MTX2: variants seen among roughly 807,000 people sequenced by gnomAD.
MTX2 encodes the protein metaxin-2.
Under a neutral mutation model 42.3 loss-of-function variants are expected in MTX2, and 35 were observed. That is an observed-to-expected ratio of 0.83 (90% CI 0.63 to 1.10). The LOEUF is 1.10. Ranked by LOEUF, MTX2 falls within the 50% of genes least tolerant of loss-of-function variation. MTX2 has a pLI of 0.00. For synonymous variants in MTX2, 119 were observed against 100.9 expected (o/e 1.18, Z -1.08); for missense variants, 307 against 304.1 (o/e 1.01, Z -0.07).
chr2:176,282,903 C>T lies in MTX2; in HGVS notation c.40+13234C>T, dbSNP rs138444262. Among the ~76,000 whole-genome samples the T allele has an allele frequency of 2.6e-3, 398 of 152,170 alleles. 8 individuals carry two copies. The East Asian group carries it at 0.05, about 19-fold the overall frequency. Reference sequence around the variant, plus strand: ...ATTTTTGATAGAGACAGGGTTTCACCATGTTGGTCAGGCTGGTCTCGAACT... The same window carrying T: ...ATTTTTGATAGAGACAGGGTTTCACTATGTTGGTCAGGCTGGTCTCGAACT... On this transcript the variant is annotated intron_variant, in intron 1 of 9. Coordinates refer to ENST00000249442, the MANE Select transcript of MTX2 (RefSeq NM_006554.5).
chr2:176,280,950 C>G (rs892810756), intron 1 of MTX2, among the ~76,000 whole-genome samples: 1 of 152,168 alleles, frequency 6.6e-6, no homozygotes, highest in Non-Finnish European at 1.5e-5. Context: ...TTGGGCAGAG[C>G]ATTTGGCAGC....
intron 3 of MTX2, among the ~76,000 whole-genome samples, chr2:176,311,631 G>A (rs2105428350): frequency 6.6e-6 from 1 of 152,340 alleles, no homozygotes; most frequent in South Asian, 2.1e-4. Flanking sequence ...CCTCCAGCCA[G>A]GGGGCTGTCT....
At chr2:176,287,027 T>C (rs1693220764) in intron 1 of MTX2, among the ~76,000 whole-genome samples, 1 of 152,196 alleles carries the variant, frequency 6.6e-6, no homozygotes, top group South Asian at 2.1e-4. Context: ...TTTTGTGTAA[T>C]GTGTAGCCCA....
At chr2:176,335,150 C>CT in intron 9 of MTX2, among the ~76,000 whole-genome samples, 1 of 152,152 alleles carries the variant, frequency 6.6e-6, no homozygotes, top group East Asian at 1.9e-4. Flanking sequence ...TCTGAGGAGA[C>CT]TTTAAGATGT....
chr2:176,278,301 T>C (rs1441405302), intron 1 of MTX2, among the ~76,000 whole-genome samples: 1 of 151,902 alleles, frequency 6.6e-6, no homozygotes, highest in Non-Finnish European at 1.5e-5. Flanking sequence ...TCTGCCCGCC[T>C]CAGCCTCCCA....
intron 1 of MTX2, among the ~76,000 whole-genome samples, chr2:176,290,782 T>G (rs1693311038): frequency 6.6e-6 from 1 of 151,514 alleles, no homozygotes; most frequent in Admixed American, 6.6e-5. Context: ...ATGTCATGCT[T>G]TACATGTAAT....
intron 2 of MTX2, 69 bp downstream of exon 2, chr2:176,296,976 A>G: frequency 6.9e-7 from 1 of 1,443,954 alleles, no homozygotes; most frequent in Non-Finnish European, 9.7e-7. Context: ...ATCCTCAGTA[A>G]TACAATTTAC....
chr2:176,306,742 A>G (rs1157122288), intron 3 of MTX2, among the ~76,000 whole-genome samples: 2 of 151,488 alleles, frequency 1.3e-5, no homozygotes, highest in Admixed American at 6.6e-5. Context: ...TCCTTTGCTC[A>G]CTTTTTGATG....
Position 176,269,588 on chromosome 2 carries a change from C to A in MTX2, c.-42C>A. On this transcript the variant is annotated 5_prime_UTR_variant, in exon 1 of 10. Coordinates refer to ENST00000249442, the MANE Select transcript of MTX2 (RefSeq NM_006554.5). ...GGTTTGCGGTGGAGGACGCTGAGGC[C>A]CGTGGGGGGCAGGCACCCGGGCGCC... The A allele has an allele frequency of 6.4e-7, 1 of 1,556,904 alleles. No homozygotes were observed. The highest frequency in any genetic ancestry group is 1.2e-5 in the South Asian group (1 of 84,630).
chr2:176,323,327 A>T, intron 3 of MTX2, 65 bp from the exon 4 acceptor site: 1 of 1,349,458 alleles, frequency 7.4e-7, no homozygotes, highest in South Asian at 1.2e-5. Flanking sequence ...AGAAATGCAT[A>T]CAAATTTCTG....
At chr2:176,331,826 G>C (rs1039137495) in intron 9 of MTX2, among the ~76,000 whole-genome samples, 5 of 151,196 alleles carry the variant, frequency 3.3e-5, no homozygotes, top group African/African-American at 1.2e-4. Context: ...GGAATTCTTA[G>C]GAATTGAAAA....
chr2:176,311,003 T>C (rs1684290744), intron 3 of MTX2, among the ~76,000 whole-genome samples: 1 of 152,214 alleles, frequency 6.6e-6, no homozygotes, highest in African/African-American at 2.4e-5. Context: ...TTTTTAGCTT[T>C]TCTGCTCTGG....
intron 1 of MTX2, among the ~76,000 whole-genome samples, chr2:176,286,117 T>C (rs907957541): frequency 6.6e-6 from 1 of 152,234 alleles, no homozygotes; most frequent in African/African-American, 2.4e-5. Context: ...TAATGACTAA[T>C]GATGCTGAGT....
intron 3 of MTX2, among the ~76,000 whole-genome samples, chr2:176,298,801 C>T (rs919713173): frequency 1.1e-4 from 16 of 152,082 alleles, no homozygotes; most frequent in African/African-American, 3.1e-4. Flanking sequence ...TTTGAAGGCA[C>T]TGTGAATATT....
chr2:176,271,693 G>A (rs1217056491), intron 1 of MTX2, among the ~76,000 whole-genome samples: 1 of 152,098 alleles, frequency 6.6e-6, no homozygotes, highest in Non-Finnish European at 1.5e-5. Flanking sequence ...TACTTTTTGG[G>A]AACGTAATGT....
Position 176,297,905 on chromosome 2 carries a change from TA to T in MTX2, c.135+13del. On this transcript the variant is annotated intron_variant, in intron 3 of 9. Coordinates refer to ENST00000249442, the MANE Select transcript of MTX2 (RefSeq NM_006554.5). ...TTCTCTTGCAGTGCAGGTAAATATG[TA>T]AATAATGTAATATCTTTTTCACCCC... The T allele has an allele frequency of 6.5e-7, 1 of 1,543,662 alleles. No individual in the cohort carries two copies. The highest frequency in any genetic ancestry group is 1.8e-5 in the Admixed American group (1 of 55,150).
chr2:176,276,951 A>C (rs1470802364), intron 1 of MTX2, among the ~76,000 whole-genome samples: 1 of 152,160 alleles, frequency 6.6e-6, no homozygotes, highest in Non-Finnish European at 1.5e-5. Context: ...GGATGAAAAA[A>C]GAATGGTCGG....
At chr2:176,285,423 T>TC (rs2105402537) in intron 1 of MTX2, among the ~76,000 whole-genome samples, 1 of 151,362 alleles carries the variant, frequency 6.6e-6, no homozygotes, top group East Asian at 1.9e-4. Flanking sequence ...ACAATCTTTT[T>TC]TTTTTTTTTT....
chr2:176,311,723 A>G (rs1684312884), intron 3 of MTX2, among the ~76,000 whole-genome samples: 1 of 152,198 alleles, frequency 6.6e-6, no homozygotes, highest in Admixed American at 6.5e-5. Context: ...CACGGGAGAG[A>G]ATCACCTTGT....
Sources: gnomAD v4.1 joint callset for allele counts (sites outside exome capture counted in the v4.1 genomes callset) on GRCh38, gnomAD v4.1.1 for gene constraint, MANE v1.5 for transcripts, NCBI Gene and HGNC (gene_info 2026-07-23, HGNC 2026-07-21) for gene names.